The following STOX2 variants were observed in gnomAD, a reference collection of about 807,000 sequenced individuals.
STOX2 encodes storkhead-box protein 2.
Under a neutral mutation model 60.9 loss-of-function variants are expected in STOX2, and 28 were observed. The observed-to-expected ratio is 0.46, with a 90% CI of 0.34 to 0.63. STOX2 has a LOEUF of 0.63. Ranked by LOEUF, STOX2 falls within the 30% of genes least tolerant of loss-of-function variation. The pLI is 0.01. For synonymous variants in STOX2, 472 were observed against 463.9 expected, an observed-to-expected ratio of 1.02 and a Z score of -0.22; for missense variants, 1,024 against 1,187.7, an observed-to-expected ratio of 0.86 and a Z score of 2.03.
Position 183,851,672 on chromosome 4 carries a change from A to G in STOX2, c.364+53617A>G, listed in dbSNP as rs367749531. Among the ~76,000 whole-genome samples, 307 of 82,502 alleles carry G rather than the reference A, an allele frequency of 3.7e-3. 1 individual carries two copies. The highest frequency in any genetic ancestry group is 9.4e-3 in the African/African-American group (185 of 19,778). The allele number at this position is 82,502 out of a possible 152,430, so 54.1% of individuals were successfully genotyped here. A position where few individuals can be genotyped will look rare whatever the true frequency, so the allele number is the denominator to read the frequency against. On this transcript the variant is annotated intron_variant, in intron 1 of 2. Transcript: ENST00000513034. ...GAGAAAGGATGAGGGAAAGGATGAG[A>G]GAAAGGATGAGGGAAAGGATGAGAG...
chr4:183,923,493 CTTGATTAAT>C (rs1742158461), intron 1 of STOX2, among the ~76,000 whole-genome samples: 1 of 152,208 alleles, frequency 6.6e-6, no homozygotes, highest in Admixed American at 6.5e-5. Context: ...GCCGCTGTCA[CTTGATTAAT>C]AACCAACACG....
Position 184,009,848 on chromosome 4 carries a change from TGGA to T in STOX2, c.1011_1013del (p.Glu340del). 1 of 1,611,682 alleles carries T rather than the reference TGGA, an allele frequency of 6.2e-7. No homozygotes were observed. The highest frequency in any genetic ancestry group is 8.5e-7 in the Non-Finnish European group (1 of 1,178,972). On this transcript the variant is annotated inframe_deletion, in exon 3 of 4. Coordinates refer to ENST00000308497, the MANE Select transcript of STOX2 (RefSeq NM_020225.3). The surrounding 1 kb of genome is among the most constrained non-coding windows in gnomAD (Gnocchi z 4.0). The stretch of plus-strand genomic sequence containing the variant: ...CGGCACACCGCGCTCATGAAGAAAC[TGGA>T]AGAAGAAAAGGCCCAGAGGAGTAAA...
intron 1 of STOX2, among the ~76,000 whole-genome samples, chr4:183,837,230 A>G (rs1036587276): frequency 3.3e-5 from 5 of 152,172 alleles, no homozygotes; most frequent in Non-Finnish European, 5.9e-5. Flanking sequence ...GATCATTTAA[A>G]TCATTCATAA....
In STOX2 at chr4:183,912,390, C is replaced by T. The variant is rs55636318; in HGVS notation, c.166+5434C>T. The stretch of plus-strand genomic sequence containing the variant: ...CACTTTTCCACCTCTTCTTCTCTTT[C>T]CCCCACTGTTCACCTCACCCTGTGC... On this transcript the variant is annotated intron_variant, in intron 1 of 3. Coordinates refer to ENST00000308497, the MANE Select transcript of STOX2 (RefSeq NM_020225.3). 1.5e-3 allele frequency among the ~76,000 whole-genome samples: 220 copies of T among 151,604 alleles called. 1 individual carries two copies. The highest frequency in any genetic ancestry group is 2.9e-3 in the Non-Finnish European group (196 of 67,422).
At chr4:184,004,070 A>G (rs974224418) in intron 2 of STOX2, among the ~76,000 whole-genome samples, 3 of 152,142 alleles carry the variant, frequency 2.0e-5, no homozygotes, top group African/African-American at 4.8e-5. Context: ...TAAAACTCTG[A>G]AGGGATTTAA....
intron 1 of STOX2, among the ~76,000 whole-genome samples, chr4:183,893,430 C>T (rs1365162427): frequency 1.3e-5 from 2 of 152,112 alleles, no homozygotes; most frequent in African/African-American, 2.4e-5. Context: ...GTGGACTGGA[C>T]GAAGCCGGTG....
chr4:183,800,168 C>T (rs1217465653), intron 1 of STOX2, among the ~76,000 whole-genome samples: 1 of 146,606 alleles, frequency 6.8e-6, no homozygotes, highest in Admixed American at 7.0e-5. Flanking sequence ...TATAAAAATT[C>T]TCAATATCTG....
rs1740284478 is a variant in STOX2, at chr4:183,856,274, C to T, written c.364+58219C>T. On this transcript the variant is annotated intron_variant, in intron 1 of 2. Transcript: ENST00000513034. The surrounding 1 kb of genome is among the most constrained non-coding windows in gnomAD (Gnocchi z 4.0). ...TCGACATTACTCCCCCAAGACGAGC[C>T]TATGAACTAAAAAAATCTGCACCAT... is the stretch of plus-strand genomic sequence containing the variant. Among the ~76,000 whole-genome samples, 1 of 130,122 alleles carries T rather than the reference C, an allele frequency of 7.7e-6. No homozygotes were observed. Among genetic ancestry groups the T allele is most frequent in the Non-Finnish European group, 1.9e-5 (1 of 53,346 alleles). The allele number at this position is 130,122 out of a possible 152,430, so 85.4% of individuals were successfully genotyped here. A position where few individuals can be genotyped will look rare whatever the true frequency, so the allele number is the denominator to read the frequency against.
chr4:183,967,932 G>A (rs1010013832), intron 1 of STOX2, among the ~76,000 whole-genome samples: 18 of 152,144 alleles, frequency 1.2e-4, no homozygotes, highest in African/African-American at 3.9e-4. Flanking sequence ...AACCCATGAG[G>A]GGATCCAGCT....
chr4:184,022,061 GA>G lies in STOX2; in HGVS notation c.*4781del, dbSNP rs1734613280. On this transcript the variant is annotated 3_prime_UTR_variant, in exon 4 of 4. Transcript: ENST00000308497. ...AGGAAACATGAATGCAAAAGGCATGGAAAACACTGTTTTGCTTTGGGTTAGT... is the reference window on the plus strand; with the variant it reads ...AGGAAACATGAATGCAAAAGGCATGGAAACACTGTTTTGCTTTGGGTTAGT... The G allele has an allele frequency of 6.6e-6, 1 of 152,154 alleles. No homozygotes were observed. The highest frequency in any genetic ancestry group is 2.1e-4 in the South Asian group (1 of 4,824). 9.4% of individuals were successfully genotyped at this position (152,154 alleles called of 1,614,324 possible). A position where few individuals can be genotyped will look rare whatever the true frequency, so the allele number is the denominator to read the frequency against.
chr4:183,927,129 C>T lies in STOX2; in HGVS notation c.166+20173C>T, dbSNP rs147128673. On this transcript the variant is annotated intron_variant, in intron 1 of 3. Transcript: ENST00000308497. ...TTTCTAGCCAGTTATTGATTCTTTG[C>T]ACACATGTAGACTTTTCAGTTGGTT... 3.1e-3 allele frequency among the ~76,000 whole-genome samples: 465 copies of T among 152,308 alleles called. 1 individual carries two copies. Among genetic ancestry groups the T allele is most frequent in the African/African-American group, 0.011 (446 of 41,562 alleles).
At chr4:183,958,496 G>A (rs568141009) in intron 1 of STOX2, among the ~76,000 whole-genome samples, 195 of 152,174 alleles carry the variant, frequency 1.3e-3, no homozygotes, top group Middle Eastern at 3.4e-3. Context: ...CTGTAATTCA[G>A]CTACTTCTCA....
rs961917386 is a variant in STOX2 at position 183,924,335 on chromosome 4, G to C, written c.166+17379G>C. 2.0e-5 allele frequency among the ~76,000 whole-genome samples: 3 copies of C among 152,294 alleles called. No homozygotes were observed. The South Asian group carries it at 6.2e-4, about 32-fold the overall frequency. The stretch of plus-strand genomic sequence containing the variant: ...TGGGATGAGGGTGATGATGGGGGCT[G>C]AGTAAGGGGGGCTGGACCCCCACAG... On this transcript the variant is annotated intron_variant, in intron 1 of 3. Transcript: ENST00000308497.
intron 1 of STOX2, among the ~76,000 whole-genome samples, chr4:183,826,278 C>G (rs1029850222): frequency 1.3e-5 from 2 of 152,128 alleles, no homozygotes; most frequent in African/African-American, 4.8e-5. Context: ...TTCTCATCAC[C>G]ACTGCTAGTC....
chr4:183,843,436 C>T (rs1374619423), intron 1 of STOX2, among the ~76,000 whole-genome samples: 1 of 152,202 alleles, frequency 6.6e-6, no homozygotes, highest in Non-Finnish European at 1.5e-5. Flanking sequence ...CAAATGTAGA[C>T]AGAAACATTG....
At chr4:183,914,075 C>A (rs578001328) in intron 1 of STOX2, among the ~76,000 whole-genome samples, 1 of 152,184 alleles carries the variant, frequency 6.6e-6, no homozygotes, top group South Asian at 2.1e-4. Flanking sequence ...CCAGAATGAA[C>A]CCATGTACCT....
intron 1 of STOX2, among the ~76,000 whole-genome samples, chr4:183,980,105 A>G (rs1732596411): frequency 6.6e-6 from 1 of 152,208 alleles, no homozygotes; most frequent in Admixed American, 6.5e-5. Context: ...ATTCATTCAG[A>G]GAGATAAAAG....
At chr4:183,871,302 T>G (rs1352903342) in intron 1 of STOX2, among the ~76,000 whole-genome samples, 1 of 152,220 alleles carries the variant, frequency 6.6e-6, no homozygotes, top group Non-Finnish European at 1.5e-5. Flanking sequence ...CAAATGTCTT[T>G]CTTCTTTGAA....
chr4:183,877,720 T>C (rs950977449), intron 1 of STOX2, among the ~76,000 whole-genome samples: 5 of 152,128 alleles, frequency 3.3e-5, no homozygotes, highest in African/African-American at 9.7e-5. Flanking sequence ...TCGCTCTGTC[T>C]CCCAGGCTGG....
Sources: allele counts gnomAD v4.1 joint callset (sites outside exome capture counted in the v4.1 genomes callset), GRCh38; gene constraint gnomAD v4.1.1; non-coding constraint Gnocchi (gnomAD v3.1); transcripts MANE v1.5; gene names NCBI Gene and HGNC (gene_info 2026-07-23, HGNC 2026-07-21).